Variants in GLRA2 observed in about 807,000 individuals in gnomAD.
GLRA2 encodes glycine receptor subunit alpha-2.
A neutral mutation model predicts 31.6 loss-of-function variants in GLRA2; 11 were observed. That is an observed-to-expected ratio of 0.35 (90% CI 0.22 to 0.58). The LOEUF (loss-of-function observed/expected upper bound fraction) is 0.58. GLRA2 is among the 20% of genes least tolerant of loss of function. GLRA2 has a pLI of 0.84. For missense variants in GLRA2, 212 were observed against 351.8 expected, an observed-to-expected ratio of 0.60 and a Z score of 3.18; for synonymous variants, 132 against 134.0, an observed-to-expected ratio of 0.99 and a Z score of 0.10.
At chrX:14,686,782 T>G (rs1343096952) in intron 7 of GLRA2, among the ~76,000 whole-genome samples, 2 of 111,826 alleles carry the variant, frequency 1.8e-5, no homozygotes, top group East Asian at 2.8e-4. Context: ...TTGCCAGTCT[T>G]TGTCTTTTAA....
At chrX:14,552,283 C>T (rs761138124) in intron 2 of GLRA2, among the ~76,000 whole-genome samples, 3 of 111,691 alleles carry the variant, frequency 2.7e-5, no homozygotes, top group East Asian at 2.8e-4. Context: ...TGATAATGGC[C>T]GAAGTGTAAG....
chrX:14,689,342 T>C (rs191141426), intron 7 of GLRA2, among the ~76,000 whole-genome samples: 60 of 112,645 alleles, frequency 5.3e-4, no homozygotes, highest in African/African-American at 1.8e-3. Context: ...TCCTACAATG[T>C]AGAATGTTTA....
chrX:14,681,939 ATGTG>A (rs1192394834), intron 7 of GLRA2, among the ~76,000 whole-genome samples: 7 of 85,155 alleles, frequency 8.2e-5, no homozygotes, highest in African/African-American at 2.9e-4. Context: ...ATGTATATAT[ATGTG>A]TGTGTGTCTA....
the GLRA2 span, among the ~76,000 whole-genome samples, chrX:14,508,304 C>A: frequency 8.9e-6 from 1 of 112,286 alleles, no homozygotes; most frequent in African/African-American, 3.2e-5. Flanking sequence ...AAATTTAATT[C>A]TTTTCATGTT....
intron 2 of GLRA2, among the ~76,000 whole-genome samples, chrX:14,569,301 CT>C (rs2089852412): frequency 1.8e-5 from 2 of 111,637 alleles, no homozygotes; most frequent in South Asian, 7.5e-4. Context: ...ACCCTAAAAA[CT>C]TTTATGCATC....
intron 7 of GLRA2, among the ~76,000 whole-genome samples, chrX:14,632,092 T>C (rs1333642078): frequency 9.7e-6 from 1 of 103,561 alleles, no homozygotes; most frequent in Non-Finnish European, 2.0e-5. Context: ...CCTTGCATCA[T>C]GACCTAGAAA....
chrX:14,479,045 G>A, the GLRA2 span, among the ~76,000 whole-genome samples: 1 of 110,659 alleles, frequency 9.0e-6, no homozygotes, highest in African/African-American at 3.3e-5. Flanking sequence ...TATCAGGAGA[G>A]GGAGGGAAGG....
chrX:14,537,409 G>A, intron 2 of GLRA2, among the ~76,000 whole-genome samples: 1 of 111,130 alleles, frequency 9.0e-6, no homozygotes, highest in Admixed American at 9.6e-5. Flanking sequence ...TAATTGTTAA[G>A]CACTTCTAGA....
intron 2 of GLRA2, 70 bp downstream of exon 2, chrX:14,532,442 A>T: frequency 1.6e-6 from 1 of 632,441 alleles, no homozygotes; most frequent in Non-Finnish European, 2.3e-6. Context: ...TAACTGAAAA[A>T]CATTTTCAGG....
intron 7 of GLRA2, among the ~76,000 whole-genome samples, chrX:14,631,694 C>A (rs1328032849): frequency 9.3e-6 from 1 of 107,105 alleles, no homozygotes; most frequent in Non-Finnish European, 1.9e-5. Context: ...TTCTCTAATT[C>A]TTTTGAAGAT....
intron 7 of GLRA2, among the ~76,000 whole-genome samples, chrX:14,672,237 T>C (rs186355285): frequency 8.9e-6 from 1 of 112,477 alleles, no homozygotes; most frequent in African/African-American, 3.2e-5. Context: ...ATAGTCATAC[T>C]GGATTGATTT....
the GLRA2 span, among the ~76,000 whole-genome samples, chrX:14,517,976 G>A: frequency 9.0e-6 from 1 of 111,007 alleles, no homozygotes; most frequent in Non-Finnish European, 1.9e-5. Context: ...ACATAAACTG[G>A]CAAAGCATTG....
At chrX:14,472,456 A>AT in the GLRA2 span, among the ~76,000 whole-genome samples, 3 of 110,929 alleles carry the variant, frequency 2.7e-5, no homozygotes, top group African/African-American at 9.9e-5. Context: ...TGCACATATC[A>AT]TCCCATTGTC....
chrX:14,465,373 C>T, the GLRA2 span, among the ~76,000 whole-genome samples: 6 of 111,753 alleles, frequency 5.4e-5, no homozygotes, highest in East Asian at 2.8e-4. Flanking sequence ...GTTTTCTTTA[C>T]GTGTAAGATT....
chrX:14,683,637 A>C (rs932691229), intron 7 of GLRA2, among the ~76,000 whole-genome samples: 2 of 111,517 alleles, frequency 1.8e-5, no homozygotes, highest in Non-Finnish European at 3.8e-5. Context: ...CTATGTCCTA[A>C]TGGTATTGCC....
chrX:14,497,376 C>T, the GLRA2 span, among the ~76,000 whole-genome samples: 3 of 112,055 alleles, frequency 2.7e-5, no homozygotes, highest in African/African-American at 9.7e-5. Flanking sequence ...ATTTCTAAAG[C>T]TCAGAAAGGA....
chrX:14,708,092 A>G (rs2091655946), intron 8 of GLRA2, among the ~76,000 whole-genome samples: 1 of 110,805 alleles, frequency 9.0e-6, no homozygotes, highest in Non-Finnish European at 1.9e-5. Flanking sequence ...CTATAGTCAC[A>G]TTGTTGTACA....
intron 4 of GLRA2, among the ~76,000 whole-genome samples, chrX:14,589,329 A>G (rs1278499556): frequency 9.1e-6 from 1 of 109,526 alleles, no homozygotes; most frequent in Non-Finnish European, 1.9e-5. Flanking sequence ...GTCTATTGGG[A>G]TGATCATATG....
chrX:14,513,297 C>T, the GLRA2 span, among the ~76,000 whole-genome samples: 557 of 111,598 alleles, frequency 5.0e-3, 5 homozygotes, highest in African/African-American at 0.017. Flanking sequence ...AAATCTAAGA[C>T]CCGAAACCAT....
Sources: allele counts gnomAD v4.1 joint callset (sites outside exome capture counted in the v4.1 genomes callset), GRCh38; gene constraint gnomAD v4.1.1; transcripts MANE v1.5; gene names NCBI Gene and HGNC (gene_info 2026-07-23, HGNC 2026-07-21).